Variants in FOXP2 observed in about 807,000 individuals in gnomAD.
The protein encoded by FOXP2 is forkhead box protein P2.
FOXP2 carries 12 observed loss-of-function variants against 115.8 expected under a neutral mutation model. That is an observed-to-expected ratio of 0.10 (90% CI 0.07 to 0.17). The LOEUF (loss-of-function observed/expected upper bound fraction) is 0.17. Among genes scored for constraint, FOXP2 ranks in the 10% least tolerant of loss-of-function variants. The pLI, the probability that FOXP2 is intolerant of heterozygous loss-of-function variation, is 1.00. For synonymous variants in FOXP2, 328 were observed against 297.7 expected, an observed-to-expected ratio of 1.10 and a Z score of -1.05; for missense variants, 629 against 843.5, an observed-to-expected ratio of 0.75 and a Z score of 3.15.
intron 1 of FOXP2, among the ~76,000 whole-genome samples, chr7:114,122,312 T>A (rs1791587421): frequency 6.6e-6 from 1 of 152,076 alleles, no homozygotes. Context: ...TATAGTAGAG[T>A]TTTTAAGTCC....
chr7:114,614,563 G>A (rs1584952926), intron 3 of FOXP2, among the ~76,000 whole-genome samples: 1 of 152,066 alleles, frequency 6.6e-6, no homozygotes, highest in East Asian at 1.9e-4. Context: ...TCATTGTTAG[G>A]TGGACCGCAC....
chr7:114,474,315 T>C lies in FOXP2; in HGVS notation c.168+47636T>C, dbSNP rs559497629. 2.6e-5 allele frequency among the ~76,000 whole-genome samples: 4 copies of C among 152,338 alleles called. No homozygotes were observed. The South Asian group carries it at 6.2e-4, about 24-fold the overall frequency. ...TCAAATCGGCACTATTTTGTCTATG[T>C]CTTACTCCAGCTAATCACATTGGCA... On this transcript the variant is annotated intron_variant, in intron 2 of 16. Coordinates refer to ENST00000350908, the MANE Select transcript of FOXP2 (RefSeq NM_014491.4).
At chr7:114,237,795 G>A (rs1320544939) in intron 1 of FOXP2, among the ~76,000 whole-genome samples, 1 of 152,036 alleles carries the variant, frequency 6.6e-6, no homozygotes, top group East Asian at 1.9e-4. Flanking sequence ...GCAACATGGT[G>A]AAACACCCTG....
intron 16 of FOXP2, among the ~76,000 whole-genome samples, chr7:114,678,664 A>C (rs568419340): frequency 6.7e-6 from 1 of 150,302 alleles, no homozygotes; most frequent in Non-Finnish European, 1.5e-5. Context: ...AACACAGATG[A>C]AAAATTAAAA....
At chr7:114,647,474 A>G (rs970737218) in intron 8 of FOXP2, among the ~76,000 whole-genome samples, 2 of 151,666 alleles carry the variant, frequency 1.3e-5, no homozygotes, top group African/African-American at 4.8e-5. Flanking sequence ...TTTCCATTGG[A>G]TAAAAAAAAT....
upstream of FOXP2, among the ~76,000 whole-genome samples, chr7:114,161,484 G>T (rs1203426703): frequency 6.6e-6 from 1 of 151,508 alleles, no homozygotes; most frequent in Non-Finnish European, 1.5e-5. Flanking sequence ...TTGTATTTTA[G>T]CTATTCTGAT....
At chr7:114,331,660 CTTTT>C (rs112494928) in intron 2 of FOXP2, among the ~76,000 whole-genome samples, 1 of 143,054 alleles carries the variant, frequency 7.0e-6, no homozygotes, top group Non-Finnish European at 1.5e-5. Flanking sequence ...CTGACATTTT[CTTTT>C]TTTTTTTTTC....
intron 1 of FOXP2, among the ~76,000 whole-genome samples, chr7:114,264,270 G>A (rs966397634): frequency 4.6e-5 from 7 of 152,106 alleles, no homozygotes; most frequent in African/African-American, 1.7e-4. Flanking sequence ...TTTCTCAGTT[G>A]AATACAGTAA....
At chr7:114,119,169 A>C (rs2129143402) in intron 1 of FOXP2, among the ~76,000 whole-genome samples, 1 of 152,300 alleles carries the variant, frequency 6.6e-6, no homozygotes, top group Admixed American at 6.5e-5. Flanking sequence ...GCATCCATTA[A>C]CAAAATTCAG....
intron 16 of FOXP2, chr7:114,665,362 A>G (rs1364838205): frequency 6.6e-6 from 1 of 152,130 alleles, no homozygotes; most frequent in East Asian, 1.9e-4. Context: ...CATACTTCTA[A>G]TTACAAGTTA....
At position 114,653,856 on chromosome 7, in the gene FOXP2, T is replaced by A; in HGVS notation, c.1183-70T>A. 3 of 1,420,848 alleles carry A rather than the reference T, an allele frequency of 2.1e-6. No individual in the cohort carries two copies. The South Asian group carries it at 3.4e-5, about 16-fold the overall frequency. The allele number at this position is 1,420,848 out of a possible 1,614,324, so 88.0% of individuals were successfully genotyped here. On this transcript the variant is annotated intron_variant, in intron 9 of 16. Coordinates refer to ENST00000350908, the MANE Select transcript of FOXP2 (RefSeq NM_014491.4). ...TTCTGAGGCAAGCTCAATGATAAGA[T>A]GTATCACTGCAATAAAATAGCTGTA...
chr7:114,627,812 T>A (rs1358113169), intron 3 of FOXP2, among the ~76,000 whole-genome samples: 1 of 152,162 alleles, frequency 6.6e-6, no homozygotes, highest in East Asian at 1.9e-4. Flanking sequence ...CTTCCTATTA[T>A]AAGCTCAGTT....
At chr7:114,165,900 A>C (rs1462268360) in intron 1 of FOXP2, among the ~76,000 whole-genome samples, 1 of 152,226 alleles carries the variant, frequency 6.6e-6, no homozygotes, top group Non-Finnish European at 1.5e-5. Flanking sequence ...ATAATATGGT[A>C]TTGTTGAAAG....
At chr7:114,147,989 G>A (rs1792421648) in intron 1 of FOXP2, among the ~76,000 whole-genome samples, 1 of 152,150 alleles carries the variant, frequency 6.6e-6, no homozygotes, top group Non-Finnish European at 1.5e-5. Context: ...GGAAATAAGG[G>A]GTTCAAGTGG....
At chr7:114,333,247 T>C (rs1797758295) in intron 2 of FOXP2, among the ~76,000 whole-genome samples, 1 of 152,232 alleles carries the variant, frequency 6.6e-6, no homozygotes, top group African/African-American at 2.4e-5. Flanking sequence ...GATTATTCAT[T>C]TGAAGAATTG....
intron 2 of FOXP2, among the ~76,000 whole-genome samples, chr7:114,492,484 G>A (rs1271291713): frequency 2.6e-5 from 4 of 151,970 alleles, no homozygotes; most frequent in African/African-American, 9.7e-5. Context: ...TGCTTCTCTA[G>A]TTCTTTTAAT....
Position 114,415,210 on chromosome 7 carries a change from G to T in FOXP2, c.-161G>T. 2.2e-6 allele frequency: 1 copy of T among 454,070 alleles called. No homozygotes were observed. The highest frequency in any genetic ancestry group is 4.4e-6 in the Non-Finnish European group (1 of 226,710). The allele number at this position is 454,070 out of a possible 1,614,324, so 28.1% of individuals were successfully genotyped here. ...TACTGCTGTAAATAGTTGTCTGATG[G>T]TGGCTTTGACAGTGAGCTAGCTTCT... On this transcript the variant is annotated 5_prime_UTR_variant, in exon 1 of 17. Transcript: ENST00000350908.
intron 1 of FOXP2, chr7:114,287,882 G>C (rs906435682): frequency 2.6e-5 from 7 of 270,868 alleles, no homozygotes; most frequent in Non-Finnish European, 4.4e-5. Flanking sequence ...TATTCACAAA[G>C]TAATGCATGT....
intron 3 of FOXP2, among the ~76,000 whole-genome samples, chr7:114,600,011 A>G (rs892698077): frequency 1.3e-5 from 2 of 152,152 alleles, no homozygotes; most frequent in African/African-American, 4.8e-5. Context: ...ATAAGGATGA[A>G]GTAATATGAA....
Sources: allele counts gnomAD v4.1 joint callset (sites outside exome capture counted in the v4.1 genomes callset), GRCh38; gene constraint gnomAD v4.1.1; transcripts MANE v1.5; gene names NCBI Gene and HGNC (gene_info 2026-07-23, HGNC 2026-07-21).